Variants in KCNK10 observed in about 807,000 individuals in gnomAD.
KCNK10 encodes the protein potassium two pore domain channel subfamily K member 10, also known as potassium channel subfamily K member 10.
Under a neutral mutation model 47.7 loss-of-function variants are expected in KCNK10, and 25 were observed. The observed-to-expected ratio is 0.52, with a 90% CI of 0.38 to 0.73. The LOEUF (loss-of-function observed/expected upper bound fraction) is 0.73. Among genes scored for constraint, KCNK10 ranks in the 30% least tolerant of loss-of-function variants. KCNK10 has a pLI of 0.00. For synonymous variants in KCNK10, 303 were observed against 285.6 expected (o/e 1.06, Z -0.61); for missense variants, 563 against 714.5 (o/e 0.79, Z 2.42).
chr14:88,200,228 C>T (rs1030200621), intron 4 of KCNK10, among the ~76,000 whole-genome samples: 1 of 151,532 alleles, frequency 6.6e-6, no homozygotes, highest in African/African-American at 2.4e-5. Flanking sequence ...CCACATAAAA[C>T]TATAAATAAT....
chr14:88,267,021 A>G (rs1887276972), intron 1 of KCNK10, among the ~76,000 whole-genome samples: 1 of 152,208 alleles, frequency 6.6e-6, no homozygotes, highest in Admixed American at 6.5e-5. Flanking sequence ...CTTCCAAAGC[A>G]CCAGAGCAAA....
intron 5 of KCNK10, among the ~76,000 whole-genome samples, chr14:88,188,420 C>A (rs1884642726): frequency 6.6e-6 from 1 of 152,178 alleles, no homozygotes; most frequent in Non-Finnish European, 1.5e-5. Flanking sequence ...TAACTCTGAA[C>A]TACAGGACAA....
At chr14:88,291,865 T>C (rs535080564) in intron 1 of KCNK10, among the ~76,000 whole-genome samples, 2 of 152,244 alleles carry the variant, frequency 1.3e-5, no homozygotes, top group African/African-American at 4.8e-5. Context: ...CTGGGCCAAG[T>C]AGGCACTGGA....
intron 4 of KCNK10, among the ~76,000 whole-genome samples, chr14:88,220,416 C>CAAAAAAAAAAAAAAAAA (rs58562095): frequency 3.3e-5 from 1 of 30,160 alleles, no homozygotes; most frequent in African/African-American, 1.5e-4. Context: ...GACTCCGTCT[C>CAAAAAAAAAAAAAAAAA]AAAAAAAAAA....
At chr14:88,323,379 G>C (rs564060750), upstream of KCNK10, 208 of 835,870 alleles carry the variant, frequency 2.5e-4, 1 homozygote, top group South Asian at 0.01. Context: ...GAAAGCCATT[G>C]GATGTAGGGG....
rs541683499 is a variant in KCNK10, at chr14:88,319,636, C to T, written c.52+3111G>A. On this transcript the variant is annotated intron_variant, in intron 1 of 6. Transcript: ENST00000319231. ...GCCACTGTCTCCTCTTCTCCTTCCT[C>T]CTCTCTCTTCCTCTCTTTTATCCTC... Among the ~76,000 whole-genome samples, 251 of 152,246 alleles carry T rather than the reference C, an allele frequency of 1.6e-3. 1 individual carries two copies. Among genetic ancestry groups the T allele is most frequent in the Middle Eastern group, 0.014 (4 of 294 alleles).
intron 4 of KCNK10, among the ~76,000 whole-genome samples, chr14:88,193,297 T>C (rs555672371): frequency 6.6e-6 from 1 of 152,050 alleles, no homozygotes; most frequent in Non-Finnish European, 1.5e-5. Context: ...AAAAAGCATC[T>C]AGAATGGGAA....
At chr14:88,304,118 C>A (rs1595130451) in intron 1 of KCNK10, among the ~76,000 whole-genome samples, 1 of 151,948 alleles carries the variant, frequency 6.6e-6, no homozygotes, top group East Asian at 1.9e-4. Context: ...GAGTTGGAGA[C>A]CAGCCTGGGC....
chr14:88,202,633 A>C (rs1378349603), intron 4 of KCNK10, among the ~76,000 whole-genome samples: 1 of 152,200 alleles, frequency 6.6e-6, no homozygotes, highest in Non-Finnish European at 1.5e-5. Context: ...AGAGGTGTGG[A>C]GATTCTCAGA....
intron 3 of KCNK10, among the ~76,000 whole-genome samples, chr14:88,238,646 C>T (rs905088231): frequency 1.3e-5 from 2 of 152,158 alleles, no homozygotes; most frequent in Non-Finnish European, 2.9e-5. Flanking sequence ...TGCACTCCTG[C>T]GTGGGTGACA....
intron 1 of KCNK10, among the ~76,000 whole-genome samples, chr14:88,315,949 T>C (rs951187917): frequency 2.0e-5 from 3 of 152,182 alleles, no homozygotes; most frequent in African/African-American, 7.2e-5. Flanking sequence ...TGTGATCACC[T>C]GGCTTATGTA....
chr14:88,191,363 A>T (rs1418811079), intron 5 of KCNK10, among the ~76,000 whole-genome samples: 5 of 151,300 alleles, frequency 3.3e-5, no homozygotes, highest in Non-Finnish European at 5.9e-5. Context: ...ACACACACAC[A>T]CTCCATCCAG....
intron 4 of KCNK10, among the ~76,000 whole-genome samples, chr14:88,220,404 G>T: frequency 1.1e-5 from 1 of 94,792 alleles, no homozygotes. Context: ...GCGACAGAGC[G>T]AGACTCCGTC....
chr14:88,189,477 G>A (rs1439155415), intron 5 of KCNK10, among the ~76,000 whole-genome samples: 1 of 152,146 alleles, frequency 6.6e-6, no homozygotes, highest in Non-Finnish European at 1.5e-5. Flanking sequence ...CTATCTGGGA[G>A]TAAATATTTA....
rs553412675 is a variant in KCNK10, at chr14:88,283,134, A to G, written c.53-19583T>C. ...AGAAGAGAGTGATTATCACACTTTA[A>G]GGGTTTTTTTAAATCACTTTCCATC... On this transcript the variant is annotated intron_variant, in intron 1 of 6. Transcript: ENST00000319231. Among the ~76,000 whole-genome samples, 3 of 152,330 alleles carry G rather than the reference A, an allele frequency of 2.0e-5. No homozygotes were observed. The South Asian group carries it at 6.2e-4, about 32-fold the overall frequency.
intron 1 of KCNK10, among the ~76,000 whole-genome samples, chr14:88,295,348 C>G (rs1238819429): frequency 2.0e-5 from 3 of 152,186 alleles, no homozygotes; most frequent in Admixed American, 2.0e-4. Flanking sequence ...TTCTTCTTGG[C>G]TCTTCAGTAG....
chr14:88,233,107 T>G (rs918754922), intron 3 of KCNK10, among the ~76,000 whole-genome samples: 4 of 152,194 alleles, frequency 2.6e-5, no homozygotes, highest in Non-Finnish European at 5.9e-5. Flanking sequence ...TTGCAGGTAA[T>G]AGAAAGCTCA....
At chr14:88,194,540 T>C (rs985306312) in intron 4 of KCNK10, among the ~76,000 whole-genome samples, 3 of 152,310 alleles carry the variant, frequency 2.0e-5, no homozygotes, top group Admixed American at 1.3e-4. Flanking sequence ...GTGAATGTAA[T>C]TGCAATCTAA....
intron 4 of KCNK10, among the ~76,000 whole-genome samples, chr14:88,215,958 A>G (rs951053392): frequency 2.0e-5 from 3 of 152,220 alleles, no homozygotes; most frequent in African/African-American, 7.2e-5. Flanking sequence ...CACCAAAGGG[A>G]TACTGGCCAG....
Sources: allele counts gnomAD v4.1 joint callset (sites outside exome capture counted in the v4.1 genomes callset), GRCh38; gene constraint gnomAD v4.1.1; transcripts MANE v1.5; gene names NCBI Gene and HGNC (gene_info 2026-07-23, HGNC 2026-07-21).